VPS13B: variants seen among roughly 807,000 people sequenced by gnomAD.
The protein encoded by VPS13B is intermembrane lipid transfer protein VPS13B.
In VPS13B, 285 loss-of-function variants were observed where a neutral mutation model predicts 426.4. The ratio of observed to expected loss-of-function variants is 0.67; its 90% confidence interval spans 0.61 to 0.74. VPS13B has a LOEUF of 0.74. VPS13B is among the 30% of genes least tolerant of loss of function. The probability of loss-of-function intolerance (pLI) is 0.00; values close to 1 mark genes in which losing one functional copy is unlikely to be tolerated. For synonymous variants in VPS13B, 1,676 were observed against 1,676.4 expected (o/e 1.00, Z 0.01); for missense variants, 4,537 against 4,782.6 (o/e 0.95, Z 1.51).
At chr8:99,716,360 G>C (rs1372015759) in intron 36 of VPS13B, among the ~76,000 whole-genome samples, 1 of 151,796 alleles carries the variant, frequency 6.6e-6, no homozygotes, top group African/African-American at 2.4e-5. Context: ...ATAAGCCATG[G>C]GCATTACAAA....
In VPS13B at chr8:99,875,949, G is replaced by A. The variant is rs1186601144; in HGVS notation, c.*283G>A. The A allele has an allele frequency of 6.6e-6, 3 of 454,810 alleles. No homozygotes were observed. The highest frequency in any genetic ancestry group is 8.0e-6 in the Non-Finnish European group (2 of 249,874). The allele number at this position is 454,810 out of a possible 1,614,324, so 28.2% of individuals were successfully genotyped here. A position where few individuals can be genotyped will look rare whatever the true frequency, so the allele number is the denominator to read the frequency against. On this transcript the variant is annotated 3_prime_UTR_variant, in exon 62 of 62. Coordinates refer to ENST00000357162, the MANE Select transcript of VPS13B (RefSeq NM_152564.5). ...CTTATTTACATCCTTACCTCTAAAAGATACTTCAAAGTGACAAAAACGTGT... is the reference window on the plus strand; with the variant it reads ...CTTATTTACATCCTTACCTCTAAAAAATACTTCAAAGTGACAAAAACGTGT...
chr8:99,497,225 GTATT>G (rs1820965593), intron 25 of VPS13B, among the ~76,000 whole-genome samples: 1 of 129,138 alleles, frequency 7.7e-6, no homozygotes, highest in South Asian at 2.4e-4. Flanking sequence ...ATAAATACAT[GTATT>G]TATATATACA....
chr8:99,404,072 A>G (rs899290536), intron 21 of VPS13B, among the ~76,000 whole-genome samples: 13 of 152,196 alleles, frequency 8.5e-5, no homozygotes, highest in African/African-American at 1.7e-4. Context: ...GCTTAGCACA[A>G]TGTATTAATT....
intron 24 of VPS13B, among the ~76,000 whole-genome samples, chr8:99,471,491 A>C (rs1819402582): frequency 6.6e-6 from 1 of 152,138 alleles, no homozygotes; most frequent in South Asian, 2.1e-4. Flanking sequence ...TCTTAGGACA[A>C]CTAATAAGAA....
chr8:99,588,456 A>G (rs1826424445), intron 33 of VPS13B, among the ~76,000 whole-genome samples: 2 of 151,702 alleles, frequency 1.3e-5, no homozygotes. Flanking sequence ...TGAGCATGGA[A>G]TGTTCTTCCA....
intron 5 of VPS13B, among the ~76,000 whole-genome samples, chr8:99,107,006 G>A (rs1299405238): frequency 6.6e-6 from 1 of 152,104 alleles, no homozygotes; most frequent in East Asian, 1.9e-4. Context: ...ATGTCCTTTG[G>A]TGGACATATA....
intron 21 of VPS13B, among the ~76,000 whole-genome samples, chr8:99,403,752 A>T (rs867364811): frequency 6.6e-6 from 1 of 152,128 alleles, no homozygotes; most frequent in Non-Finnish European, 1.5e-5. Context: ...TAGTAGAAAC[A>T]TGGCTCATGA....
chr8:99,873,753 G>C (rs1352258221), intron 61 of VPS13B, among the ~76,000 whole-genome samples: 2 of 152,156 alleles, frequency 1.3e-5, no homozygotes, highest in African/African-American at 4.8e-5. Flanking sequence ...GTAATCTAGA[G>C]TATTTTCAAC....
intron 35 of VPS13B, among the ~76,000 whole-genome samples, chr8:99,680,768 A>C (rs1228007203): frequency 6.6e-6 from 1 of 152,204 alleles, no homozygotes; most frequent in Non-Finnish European, 1.5e-5. Context: ...ATCTGATAAT[A>C]ATTGGAATAA....
chr8:99,793,262 T>A (rs1812649661), intron 43 of VPS13B, among the ~76,000 whole-genome samples: 3 of 142,544 alleles, frequency 2.1e-5, no homozygotes, highest in Admixed American at 1.4e-4. Flanking sequence ...TCCATATATA[T>A]ATATATATAT....
intron 35 of VPS13B, among the ~76,000 whole-genome samples, chr8:99,689,368 A>T (rs1373060104): frequency 6.6e-6 from 1 of 152,230 alleles, no homozygotes; most frequent in Non-Finnish European, 1.5e-5. Context: ...ACTATGACAG[A>T]TACCTAAGTA....
chr8:99,365,516 CTTTTT>C (rs1554754985), intron 19 of VPS13B, among the ~76,000 whole-genome samples: 1 of 102,390 alleles, frequency 9.8e-6, no homozygotes, highest in African/African-American at 4.0e-5. Context: ...TCTTCTTCTT[CTTTTT>C]TTTTTTTTTT....
chr8:99,434,315 G>A (rs545464647), intron 22 of VPS13B, among the ~76,000 whole-genome samples: 25 of 152,194 alleles, frequency 1.6e-4, no homozygotes, highest in Admixed American at 1.6e-3. Context: ...GAGTTTGGAA[G>A]TGTATTCTTT....
At chr8:99,762,569 T>C (rs775492979) in intron 39 of VPS13B, among the ~76,000 whole-genome samples, 12 of 152,164 alleles carry the variant, frequency 7.9e-5, no homozygotes, top group Non-Finnish European at 1.2e-4. Context: ...AACATCCAGA[T>C]TCATAGTTTA....
chr8:99,828,551 C>T (rs1292104260), intron 51 of VPS13B, among the ~76,000 whole-genome samples: 3 of 151,520 alleles, frequency 2.0e-5, no homozygotes, highest in Admixed American at 6.6e-5. Flanking sequence ...ACTCCTTATC[C>T]AATTTGCCAG....
chr8:99,596,494 A>T (rs559276155), intron 33 of VPS13B, among the ~76,000 whole-genome samples: 1 of 152,102 alleles, frequency 6.6e-6, no homozygotes, highest in African/African-American at 2.4e-5. Context: ...CCTAAGGTCA[A>T]TCAGAGACCC....
chr8:99,770,952 T>C (rs563559396), intron 40 of VPS13B, among the ~76,000 whole-genome samples: 1 of 152,338 alleles, frequency 6.6e-6, no homozygotes, highest in Non-Finnish European at 1.5e-5. Context: ...AAAGGAATCA[T>C]GAGCCCTACT....
intron 19 of VPS13B, among the ~76,000 whole-genome samples, chr8:99,365,284 T>A (rs1181512177): frequency 6.6e-6 from 1 of 151,784 alleles, no homozygotes; most frequent in African/African-American, 2.4e-5. Context: ...TGCTCTGATC[T>A]TTATTATTTC....
At chr8:99,081,356 T>A (rs188116855) in intron 3 of VPS13B, among the ~76,000 whole-genome samples, 6 of 152,246 alleles carry the variant, frequency 3.9e-5, no homozygotes, top group Non-Finnish European at 7.3e-5. Flanking sequence ...CTCAATGTTT[T>A]TATCTAGTCA....
Sources: gnomAD v4.1 joint callset for allele counts (sites outside exome capture counted in the v4.1 genomes callset) on GRCh38, gnomAD v4.1.1 for gene constraint, MANE v1.5 for transcripts, NCBI Gene and HGNC (gene_info 2026-07-23, HGNC 2026-07-21) for gene names.